FRS2: variants seen among roughly 807,000 people sequenced by gnomAD.
The protein encoded by FRS2 is fibroblast growth factor receptor substrate 2, also known as FGFR signalling adaptor.
FRS2 carries 8 observed loss-of-function variants against 43.9 expected under a neutral mutation model. That is an observed-to-expected ratio of 0.18 (90% CI 0.11 to 0.33). FRS2 has a LOEUF of 0.33. Among genes scored for constraint, FRS2 ranks in the 10% least tolerant of loss-of-function variants. The pLI is 1.00. For synonymous variants in FRS2, 219 were observed against 220.3 expected, an observed-to-expected ratio of 0.99 and a Z score of 0.05; for missense variants, 534 against 627.6, an observed-to-expected ratio of 0.85 and a Z score of 1.59.
At position 69,493,389 on chromosome 12, in the gene FRS2, C is replaced by G. The variant is rs1872625053; in HGVS notation, c.-261+22859C>G. 2.0e-5 allele frequency among the ~76,000 whole-genome samples: 3 copies of G among 152,136 alleles called. No individual in the cohort carries two copies. The South Asian group carries it at 6.2e-4, about 31-fold the overall frequency. On this transcript the variant is annotated intron_variant, in intron 1 of 8. Coordinates refer to ENST00000549921, the MANE Select transcript of FRS2 (RefSeq NM_001278356.2). ...GGTTTTTAAAATTGCTTAAAATGCC[C>G]TTTGAACCTGTTAAAATGTGCTGCC...
chr12:69,516,214 T>C (rs990795771), intron 1 of FRS2, among the ~76,000 whole-genome samples: 2 of 149,178 alleles, frequency 1.3e-5, no homozygotes, highest in Admixed American at 6.7e-5. Flanking sequence ...TTATTATTAT[T>C]ATTACTATTT....
At chr12:69,529,490 G>A (rs896990499) in intron 1 of FRS2, among the ~76,000 whole-genome samples, 1 of 151,944 alleles carries the variant, frequency 6.6e-6, no homozygotes, top group Admixed American at 6.6e-5. Flanking sequence ...CAGACGTGGT[G>A]GCATGTGCCT....
intron 3 of FRS2, among the ~76,000 whole-genome samples, chr12:69,536,747 T>G (rs1054614836): frequency 6.6e-6 from 1 of 151,984 alleles, no homozygotes; most frequent in Non-Finnish European, 1.5e-5. Flanking sequence ...ATTTTTTAAT[T>G]TTTTAGAGAT....
chr12:69,491,555 C>T (rs2120938687), intron 1 of FRS2: 1 of 125,658 alleles, frequency 8.0e-6, no homozygotes, highest in East Asian at 2.4e-4. Flanking sequence ...GGCTGAAGTG[C>T]AGTGTCACAA....
intron 3 of FRS2, among the ~76,000 whole-genome samples, chr12:69,545,215 T>C (rs973570287): frequency 2.0e-5 from 3 of 152,166 alleles, no homozygotes; most frequent in Admixed American, 2.0e-4. Context: ...ATACTAAAAA[T>C]AATCTACAGA....
intron 1 of FRS2, 60 bp downstream of exon 1, chr12:69,470,590 C>T (rs999883728): frequency 7.5e-6 from 3 of 397,892 alleles, no homozygotes; most frequent in African/African-American, 2.1e-5. Flanking sequence ...CTGGCGTTCT[C>T]GTGCCCCCGC....
At chr12:69,547,777 G>GT (rs1432901244) in intron 3 of FRS2, among the ~76,000 whole-genome samples, 3 of 131,840 alleles carry the variant, frequency 2.3e-5, no homozygotes, top group African/African-American at 8.2e-5. Flanking sequence ...TTGTTTTACT[G>GT]TTTTTTCAAA....
At chr12:69,571,823 C>T (rs1030404948) in intron 7 of FRS2, among the ~76,000 whole-genome samples, 1 of 152,076 alleles carries the variant, frequency 6.6e-6, no homozygotes, top group African/African-American at 2.4e-5. Flanking sequence ...GAGATCATGC[C>T]ACTGCATTCC....
chr12:69,483,480 CAG>C (rs1393348560), intron 1 of FRS2, among the ~76,000 whole-genome samples: 6 of 152,128 alleles, frequency 3.9e-5, no homozygotes, highest in East Asian at 1.9e-4. Flanking sequence ...AGTGAAATCT[CAG>C]AAAGTTTACA....
intron 3 of FRS2, among the ~76,000 whole-genome samples, chr12:69,556,348 T>TC (rs201276701): frequency 6.7e-6 from 1 of 150,364 alleles, no homozygotes; most frequent in Admixed American, 6.7e-5. Context: ...TTTCTTTCTT[T>TC]TTTTTTTTAA....
chr12:69,520,567 T>G (rs1470901538), intron 1 of FRS2, among the ~76,000 whole-genome samples: 12 of 152,206 alleles, frequency 7.9e-5, no homozygotes, highest in Admixed American at 6.5e-4. Flanking sequence ...ATTTAAGTTT[T>G]TAATCCCTCT....
At chr12:69,509,132 A>T (rs1304362837) in intron 1 of FRS2, among the ~76,000 whole-genome samples, 1 of 151,984 alleles carries the variant, frequency 6.6e-6, no homozygotes. Context: ...CCTGGGAGAT[A>T]GTCTACTGCA....
intron 8 of FRS2, 29 bp downstream of exon 8, chr12:69,572,310 TAATGATTGTTCAGAGTTAGGGTATC>T: frequency 6.4e-7 from 1 of 1,570,476 alleles, no homozygotes; most frequent in Non-Finnish European, 8.8e-7. Context: ...GTAACAGCAA[TAATGATTGTTCAGAGTTAGGGTATC>T]ACTGTGCTAA....
At chr12:69,530,482 T>C (rs1351944671) in intron 1 of FRS2, among the ~76,000 whole-genome samples, 2 of 152,176 alleles carry the variant, frequency 1.3e-5, no homozygotes, top group Non-Finnish European at 2.9e-5. Context: ...CTTACACCTG[T>C]AATCCTAGCA....
chr12:69,569,996 C>T (rs1880609673), intron 5 of FRS2, among the ~76,000 whole-genome samples: 1 of 152,180 alleles, frequency 6.6e-6, no homozygotes, highest in Admixed American at 6.5e-5. Context: ...TTTATTTATA[C>T]TAGCGGTCCA....
intron 1 of FRS2, among the ~76,000 whole-genome samples, chr12:69,525,463 G>A (rs909486290): frequency 2.6e-5 from 4 of 152,104 alleles, no homozygotes; most frequent in Non-Finnish European, 5.9e-5. Flanking sequence ...AATGCCACAG[G>A]TGATAACCCC....
At chr12:69,516,031 G>A (rs1668082224) in intron 1 of FRS2, among the ~76,000 whole-genome samples, 1 of 151,878 alleles carries the variant, frequency 6.6e-6, no homozygotes, top group African/African-American at 2.4e-5. Flanking sequence ...TGTCAATTAA[G>A]CTGGAGTATT....
chr12:69,556,436 G>A (rs1426761984), intron 3 of FRS2, among the ~76,000 whole-genome samples: 6 of 151,532 alleles, frequency 4.0e-5, no homozygotes, highest in East Asian at 3.9e-4. Context: ...AGGGTCAAGC[G>A]ATTCACATGT....
chr12:69,520,921 C>T (rs931926155), intron 1 of FRS2, among the ~76,000 whole-genome samples: 11 of 151,944 alleles, frequency 7.2e-5, no homozygotes, highest in East Asian at 3.9e-4. Flanking sequence ...GTGGTTGTTC[C>T]GTATAAATTA....
Sources: allele counts gnomAD v4.1 joint callset (sites outside exome capture counted in the v4.1 genomes callset), GRCh38; gene constraint gnomAD v4.1.1; transcripts MANE v1.5; gene names NCBI Gene and HGNC (gene_info 2026-07-23, HGNC 2026-07-21).